NEK11: variants seen among roughly 807,000 people sequenced by gnomAD.
NEK11 encodes NIMA related kinase 11.
In NEK11, 72 loss-of-function variants were observed where a neutral mutation model predicts 80.7. The observed-to-expected ratio is 0.89, with a 90% CI of 0.74 to 1.08. NEK11 has a LOEUF of 1.08. Ranked by LOEUF, NEK11 falls within the 50% of genes least tolerant of loss-of-function variation. The probability of loss-of-function intolerance (pLI) is 0.00; values close to 1 mark genes in which losing one functional copy is unlikely to be tolerated. For missense variants in NEK11, 764 were observed against 763.6 expected, an observed-to-expected ratio of 1.00 and a Z score of -0.01; for synonymous variants, 251 against 260.7, an observed-to-expected ratio of 0.96 and a Z score of 0.36.
At chr3:131,215,217 G>A (rs567638038) in intron 14 of NEK11, among the ~76,000 whole-genome samples, 213 of 142,768 alleles carry the variant, frequency 1.5e-3, no homozygotes, top group African/African-American at 5.4e-3. Context: ...GGTGGGAATT[G>A]AACAATGAGA....
intron 14 of NEK11, among the ~76,000 whole-genome samples, chr3:131,188,126 G>A (rs1485930140): frequency 6.6e-6 from 1 of 152,136 alleles, no homozygotes; most frequent in Non-Finnish European, 1.5e-5. Flanking sequence ...CTTGTGTGTA[G>A]TTGTGTAATG....
intron 14 of NEK11, among the ~76,000 whole-genome samples, chr3:131,180,598 T>C (rs1012956232): frequency 5.3e-5 from 8 of 152,214 alleles, no homozygotes; most frequent in Non-Finnish European, 1.5e-5. Flanking sequence ...CCTTGTTACC[T>C]AGGTCAGCAG....
intron 4 of NEK11, among the ~76,000 whole-genome samples, chr3:131,102,249 A>G (rs565368342): frequency 2.0e-5 from 3 of 152,180 alleles, no homozygotes; most frequent in East Asian, 3.9e-4. Flanking sequence ...TGTTATGTAG[A>G]ATTAAGATTG....
intron 7 of NEK11, among the ~76,000 whole-genome samples, chr3:131,146,055 G>A (rs1200967581): frequency 6.6e-6 from 1 of 152,020 alleles, no homozygotes; most frequent in Non-Finnish European, 1.5e-5. Flanking sequence ...CTGGATCAGG[G>A]GTTGTTGCTC....
At chr3:131,195,217 T>C (rs113950393) in intron 14 of NEK11, among the ~76,000 whole-genome samples, 2,160 of 152,248 alleles carry the variant, frequency 0.014, 48 homozygotes, top group African/African-American at 0.05. Flanking sequence ...AACTTTCACG[T>C]GGCCTATAAG....
chr3:131,242,264 G>T (rs1235447496), intron 15 of NEK11, among the ~76,000 whole-genome samples: 2 of 152,084 alleles, frequency 1.3e-5, no homozygotes, highest in African/African-American at 4.8e-5. Flanking sequence ...ATAATGGAGG[G>T]GTTTGTGGCT....
intron 16 of NEK11, among the ~76,000 whole-genome samples, chr3:131,267,532 C>A (rs1168436270): frequency 1.3e-5 from 2 of 152,152 alleles, no homozygotes; most frequent in Non-Finnish European, 2.9e-5. Context: ...TCTCTTCTGG[C>A]TTGTAGGGTT....
At chr3:131,233,282 A>G (rs1389069297) in intron 15 of NEK11, among the ~76,000 whole-genome samples, 1 of 152,152 alleles carries the variant, frequency 6.6e-6, no homozygotes. Flanking sequence ...TAGTGCTTAC[A>G]TTGCCTGGGA....
In NEK11 at chr3:131,164,390, G is replaced by A. The variant is rs191804733; in HGVS notation, c.1083-1036G>A. Among the ~76,000 whole-genome samples, 9 of 152,328 alleles carry A rather than the reference G, an allele frequency of 5.9e-5. No individual in the cohort carries two copies. The East Asian group carries it at 1.7e-3, about 29-fold the overall frequency. On this transcript the variant is annotated intron_variant, in intron 11 of 17. Transcript: ENST00000383366. ...ATTCTGCAAACCACTATGACATTGA[G>A]TGTGAGTTTTACTGGGAAAATATAT...
At chr3:131,121,679 A>G (rs1337303475) in intron 5 of NEK11, among the ~76,000 whole-genome samples, 4 of 152,274 alleles carry the variant, frequency 2.6e-5, no homozygotes, top group East Asian at 1.9e-4. Context: ...TCAAGCCTCA[A>G]TAATGGTGGA....
chr3:131,168,761 C>T, intron 12 of NEK11, 69 bp from the exon 13 acceptor site: 2 of 1,082,482 alleles, frequency 1.8e-6, no homozygotes, highest in South Asian at 2.9e-5. Flanking sequence ...CTGAAAGCAG[C>T]ACTTCACCTC....
chr3:131,214,921 G>A (rs1262166357), intron 14 of NEK11, among the ~76,000 whole-genome samples: 1 of 152,116 alleles, frequency 6.6e-6, no homozygotes, highest in African/African-American at 2.4e-5. Flanking sequence ...GTGTGATGCT[G>A]TAGGCTAAGC....
intron 4 of NEK11, among the ~76,000 whole-genome samples, chr3:131,088,787 G>A (rs944748423): frequency 1.3e-5 from 2 of 152,034 alleles, no homozygotes; most frequent in Non-Finnish European, 2.9e-5. Context: ...ATACTGCATG[G>A]CATTCTTCAG....
At chr3:131,034,521 T>G (rs2065340579) in intron 3 of NEK11, among the ~76,000 whole-genome samples, 1 of 152,160 alleles carries the variant, frequency 6.6e-6, no homozygotes, top group Non-Finnish European at 1.5e-5. Context: ...TGCCTCAGCC[T>G]CCCGAGTAGC....
chr3:131,043,561 A>G (rs2066870797), intron 3 of NEK11, among the ~76,000 whole-genome samples: 1 of 152,258 alleles, frequency 6.6e-6, no homozygotes, highest in African/African-American at 2.4e-5. Context: ...ACAAGATTAG[A>G]GAAAAAAGAA....
At chr3:131,215,373 G>A (rs2094797120) in intron 14 of NEK11, among the ~76,000 whole-genome samples, 1 of 151,976 alleles carries the variant, frequency 6.6e-6, no homozygotes, top group South Asian at 2.1e-4. Context: ...GTATACATAT[G>A]TAACAGACCT....
At chr3:131,167,408 A>G (rs1446395516) in intron 12 of NEK11, among the ~76,000 whole-genome samples, 2 of 152,248 alleles carry the variant, frequency 1.3e-5, no homozygotes, top group Non-Finnish European at 2.9e-5. Context: ...CCATATGGCA[A>G]AAAAGAAATG....
At chr3:131,114,548 G>C (rs1219903395) in intron 5 of NEK11, among the ~76,000 whole-genome samples, 1 of 152,148 alleles carries the variant, frequency 6.6e-6, no homozygotes, top group African/African-American at 2.4e-5. Flanking sequence ...GGAGGGAAAA[G>C]CAAGAGAGTG....
intron 16 of NEK11, among the ~76,000 whole-genome samples, chr3:131,263,249 A>G (rs1460513702): frequency 6.6e-6 from 1 of 152,010 alleles, no homozygotes; most frequent in Non-Finnish European, 1.5e-5. Flanking sequence ...AAGTGTTCTC[A>G]TTGTTCAATT....
Sources: gnomAD v4.1 joint callset for allele counts (sites outside exome capture counted in the v4.1 genomes callset) on GRCh38, gnomAD v4.1.1 for gene constraint, MANE v1.5 for transcripts, NCBI Gene and HGNC (gene_info 2026-07-23, HGNC 2026-07-21) for gene names.